DSCAM: variants seen among roughly 807,000 people sequenced by gnomAD.
DSCAM encodes DS cell adhesion molecule.
In DSCAM, 47 loss-of-function variants were observed where a neutral mutation model predicts 217.7. The ratio of observed to expected loss-of-function variants is 0.22; its 90% CI spans 0.17 to 0.28. The LOEUF is 0.28. DSCAM is among the 10% of genes least tolerant of loss of function. The pLI is 1.00. For synonymous variants in DSCAM, 1,056 were observed against 1,015.3 expected, an observed-to-expected ratio of 1.04 and a Z score of -0.76; for missense variants, 2,080 against 2,618.3, an observed-to-expected ratio of 0.79 and a Z score of 4.49.
intron 32 of DSCAM, among the ~76,000 whole-genome samples, chr21:40,039,538 A>G (rs948963527): frequency 1.3e-5 from 2 of 152,146 alleles, no homozygotes; most frequent in Non-Finnish European, 2.9e-5. Flanking sequence ...ATATGTGTAT[A>G]TTATAAACAC....
chr21:40,677,004 T>G (rs2146414304), intron 3 of DSCAM, among the ~76,000 whole-genome samples: 1 of 152,120 alleles, frequency 6.6e-6, no homozygotes, highest in Admixed American at 6.6e-5. Flanking sequence ...AATGATAGGG[T>G]TTCAATTCAA....
chr21:40,837,305 G>C (rs572791979), intron 1 of DSCAM, among the ~76,000 whole-genome samples: 45 of 152,262 alleles, frequency 3.0e-4, no homozygotes, highest in African/African-American at 1.0e-3. Context: ...TAGAGGTATG[G>C]GGGAGAGTGT....
intron 11 of DSCAM, among the ~76,000 whole-genome samples, chr21:40,219,987 C>T (rs550771799): frequency 3.8e-4 from 58 of 152,228 alleles, no homozygotes; most frequent in African/African-American, 1.3e-3. Flanking sequence ...AAAAAGAAAA[C>T]GGGAATCAAG....
chr21:40,600,052 T>C (rs1268224834), intron 3 of DSCAM, among the ~76,000 whole-genome samples: 1 of 152,208 alleles, frequency 6.6e-6, no homozygotes, highest in Non-Finnish European at 1.5e-5. Flanking sequence ...ACCATCCTTC[T>C]GAAACTATTT....
At chr21:40,091,769 T>C (rs1257884192) in intron 21 of DSCAM, among the ~76,000 whole-genome samples, 1 of 152,120 alleles carries the variant, frequency 6.6e-6, no homozygotes, top group Admixed American at 6.5e-5. Context: ...ATGTATTACA[T>C]GGCGGCAGGC....
Position 40,068,015 on chromosome 21 carries a change from G to A in DSCAM, c.4889-5116C>T, listed in dbSNP as rs1287793662. On this transcript the variant is annotated intron_variant, in intron 27 of 32. Coordinates refer to ENST00000400454, the MANE Select transcript of DSCAM (RefSeq NM_001389.5). ...GATCAGCCTGAGATTCAGACTTCGC[G>A]ACATCTTTTCTAAAGCCGCTTGCTA... Among the ~76,000 whole-genome samples, 6 of 151,846 alleles carry A rather than the reference G, an allele frequency of 4.0e-5. No individual in the cohort carries two copies. In the East Asian group the frequency reaches 5.8e-4, roughly 15 times the overall value.
At chr21:40,545,775 G>A (rs1428076675) in intron 3 of DSCAM, among the ~76,000 whole-genome samples, 1 of 152,172 alleles carries the variant, frequency 6.6e-6, no homozygotes, top group African/African-American at 2.4e-5. Flanking sequence ...TACTGAATGA[G>A]GGGAGAACAA....
At chr21:40,131,432 T>A (rs1328254657) in intron 19 of DSCAM, among the ~76,000 whole-genome samples, 7 of 152,210 alleles carry the variant, frequency 4.6e-5, no homozygotes, top group Non-Finnish European at 8.8e-5. Flanking sequence ...ACTCCACCTC[T>A]TTTTTCTTTT....
At chr21:40,472,977 C>T (rs2075901656) in intron 3 of DSCAM, among the ~76,000 whole-genome samples, 1 of 152,168 alleles carries the variant, frequency 6.6e-6, no homozygotes. Flanking sequence ...GGTCAGCCCT[C>T]TCAGTGGGCT....
intron 3 of DSCAM, among the ~76,000 whole-genome samples, chr21:40,373,713 A>C (rs1349660691): frequency 6.6e-6 from 1 of 152,250 alleles, no homozygotes; most frequent in Non-Finnish European, 1.5e-5. Context: ...TCAAATTAAA[A>C]GATTTTCCCT....
chr21:40,271,991 T>C (rs2073623754), intron 11 of DSCAM, among the ~76,000 whole-genome samples: 2 of 152,234 alleles, frequency 1.3e-5, no homozygotes, highest in African/African-American at 2.4e-5. Context: ...TAGACCTGTC[T>C]CCTGGGAGCA....
intron 3 of DSCAM, among the ~76,000 whole-genome samples, chr21:40,478,928 G>A (rs150215505): frequency 1.4e-4 from 21 of 152,236 alleles, no homozygotes; most frequent in Admixed American, 5.9e-4. Flanking sequence ...ACAATATACT[G>A]TATTCTGAGT....
At chr21:40,764,268 T>C (rs1410668876) in intron 1 of DSCAM, among the ~76,000 whole-genome samples, 6 of 146,428 alleles carry the variant, frequency 4.1e-5, no homozygotes, top group Non-Finnish European at 9.0e-5. Context: ...AACAACTCCA[T>C]CAAAAAGTGG....
intron 3 of DSCAM, among the ~76,000 whole-genome samples, chr21:40,597,808 G>A (rs181315405): frequency 3.9e-3 from 600 of 152,112 alleles, no homozygotes; most frequent in African/African-American, 0.014. Context: ...CACAGTGCCC[G>A]GCCTATTTCT....
At chr21:40,124,110 CAAAG>C (rs1353836435) in intron 20 of DSCAM, 81 bp downstream of exon 20, 1 of 1,570,152 alleles carries the variant, frequency 6.4e-7, no homozygotes, top group East Asian at 2.3e-5. Flanking sequence ...AGGTGGGAAA[CAAAG>C]GAACGAAACT....
At chr21:40,583,597 T>C (rs961147532) in intron 3 of DSCAM, among the ~76,000 whole-genome samples, 1 of 151,906 alleles carries the variant, frequency 6.6e-6, no homozygotes, top group African/African-American at 2.4e-5. Flanking sequence ...GGAGAGAAAA[T>C]GTCCTAGTTT....
At chr21:40,168,324 T>C (rs1385641642) in intron 15 of DSCAM, among the ~76,000 whole-genome samples, 3 of 152,278 alleles carry the variant, frequency 2.0e-5, no homozygotes, top group South Asian at 2.1e-4. Context: ...GTGTTGGAAA[T>C]GTGCTACCTA....
At chr21:40,536,061 A>G (rs553004442) in intron 3 of DSCAM, among the ~76,000 whole-genome samples, 4 of 152,342 alleles carry the variant, frequency 2.6e-5, no homozygotes, top group African/African-American at 9.6e-5. Flanking sequence ...TTTACATCAC[A>G]TCTCTGAATG....
chr21:40,193,516 A>G (rs181756225), intron 11 of DSCAM, among the ~76,000 whole-genome samples: 1 of 152,294 alleles, frequency 6.6e-6, no homozygotes, highest in East Asian at 1.9e-4. Flanking sequence ...AAACCATGAC[A>G]CCCACATATA....
Sources: allele counts gnomAD v4.1 joint callset (sites outside exome capture counted in the v4.1 genomes callset), GRCh38; gene constraint gnomAD v4.1.1; transcripts MANE v1.5; gene names NCBI Gene and HGNC (gene_info 2026-07-23, HGNC 2026-07-21).